FAM81A: variants seen among roughly 807,000 people sequenced by gnomAD.
The protein encoded by FAM81A is protein FAM81A.
A neutral mutation model predicts 46.7 loss-of-function variants in FAM81A; 19 were observed. The observed-to-expected ratio is 0.41, with a 90% CI of 0.28 to 0.60. The LOEUF is 0.60. Among genes scored for constraint, FAM81A ranks in the 20% least tolerant of loss-of-function variants. The pLI, the probability that FAM81A is intolerant of heterozygous loss-of-function variation, is 0.34. For synonymous variants in FAM81A, 183 were observed against 152.9 expected (o/e 1.20, Z -1.45); for missense variants, 377 against 453.5 (o/e 0.83, Z 1.53).
intron 7 of FAM81A, among the ~76,000 whole-genome samples, chr15:59,516,192 T>C (rs2082264806): frequency 6.6e-6 from 1 of 150,666 alleles, no homozygotes; most frequent in Non-Finnish European, 1.5e-5. Context: ...AATGGCGAGA[T>C]CTTGGCTCAC....
At chr15:59,501,310 G>C (rs547669812) in intron 4 of FAM81A, among the ~76,000 whole-genome samples, 1 of 152,142 alleles carries the variant, frequency 6.6e-6, no homozygotes, top group East Asian at 1.9e-4. Flanking sequence ...TATTTTATTA[G>C]GTTATCTTCC....
intron 2 of FAM81A, among the ~76,000 whole-genome samples, chr15:59,424,348 T>A (rs968375122): frequency 6.6e-6 from 1 of 152,208 alleles, no homozygotes; most frequent in East Asian, 1.9e-4. Flanking sequence ...CTTCCTTCTC[T>A]GGCCCAGGGC....
At position 59,461,267 on chromosome 15, in the gene FAM81A, G is replaced by A. The variant is rs117151432; in HGVS notation, c.294+1061G>A. Among the ~76,000 whole-genome samples the A allele has an allele frequency of 5.2e-3, 786 of 152,092 alleles. 6 individuals are homozygous for A. The highest frequency in any genetic ancestry group is 8.5e-3 in the Non-Finnish European group (580 of 67,986). On this transcript the variant is annotated intron_variant, in intron 3 of 8. Coordinates refer to ENST00000288228, the MANE Select transcript of FAM81A (RefSeq NM_152450.3). ...TATAAATGGAAACCTTACAATATGAGGTCTTTCGCATCTGGCTTCTTTCTT... is the reference window on the plus strand; with the variant it reads ...TATAAATGGAAACCTTACAATATGAAGTCTTTCGCATCTGGCTTCTTTCTT...
chr15:59,414,142 C>T (rs532075997), intron 2 of FAM81A, among the ~76,000 whole-genome samples: 31 of 152,188 alleles, frequency 2.0e-4, no homozygotes, highest in African/African-American at 6.7e-4. Flanking sequence ...TTAGTAGAGA[C>T]AGGGTTTCAC....
At chr15:59,417,376 A>G (rs1447621282) in intron 2 of FAM81A, among the ~76,000 whole-genome samples, 1 of 148,152 alleles carries the variant, frequency 6.7e-6, no homozygotes, top group African/African-American at 2.4e-5. Context: ...CAAAGTAGCT[A>G]TTTAAAAACA....
chr15:59,461,591 G>A (rs1170443839), intron 3 of FAM81A, among the ~76,000 whole-genome samples: 1 of 152,130 alleles, frequency 6.6e-6, no homozygotes, highest in Non-Finnish European at 1.5e-5. Flanking sequence ...AAAGTGCTGG[G>A]ATTACAGATG....
chr15:59,412,508 T>C (rs1775775602), intron 2 of FAM81A, among the ~76,000 whole-genome samples: 1 of 152,096 alleles, frequency 6.6e-6, no homozygotes, highest in Non-Finnish European at 1.5e-5. Flanking sequence ...GGTGGATCTC[T>C]TGAGCCCAGG....
intron 2 of FAM81A, among the ~76,000 whole-genome samples, 181 bp from the exon 3 acceptor site, chr15:59,459,752 A>G (rs2081528111): frequency 6.6e-6 from 1 of 152,180 alleles, no homozygotes; most frequent in Non-Finnish European, 1.5e-5. Flanking sequence ...TGTGGGCATG[A>G]TTATTTAAAG....
chr15:59,459,403 A>G (rs1364979486), intron 2 of FAM81A, among the ~76,000 whole-genome samples: 1 of 152,202 alleles, frequency 6.6e-6, no homozygotes, highest in East Asian at 1.9e-4. Context: ...CATCTGGAAA[A>G]AGGGACCTGA....
rs1414178039 is a variant in FAM81A at position 59,507,230 on chromosome 15, C to G, written c.431C>G (p.Ala144Gly). 6.2e-7 allele frequency: 1 copy of G among 1,611,104 alleles called. No individual in the cohort carries two copies. Among genetic ancestry groups the G allele is most frequent in the South Asian group, 1.1e-5 (1 of 90,340 alleles). The change falls in exon 5 of 9, where the codon GCT becomes GGT. Residue 144 changes from alanine (A) to glycine (G), a missense_variant. Physicochemically the swap from Ala to Gly is moderately conservative, Grantham distance 60 (BLOSUM62 0). Transcript: ENST00000288228. The part of the protein sequence containing the change: ...GRVARCDASI[A>G]RLSAEHKTTY... ...CTGGACAGATGTGATGCCAGCATAG[C>G]TAGACTTTCTGCAGAGCACAAAACG... is the stretch of plus-strand genomic sequence containing the variant.
chr15:59,473,926 C>G (rs370354895), intron 3 of FAM81A, among the ~76,000 whole-genome samples: 1 of 152,192 alleles, frequency 6.6e-6, no homozygotes, highest in African/African-American at 2.4e-5. Flanking sequence ...GTCCTCTCAC[C>G]TTGGCCTCCC....
At chr15:59,432,050 TTTTC>T (rs1366780798) in intron 2 of FAM81A, among the ~76,000 whole-genome samples, 3 of 152,248 alleles carry the variant, frequency 2.0e-5, no homozygotes, top group Non-Finnish European at 4.4e-5. Context: ...ACTTTGTTAT[TTTTC>T]TTTTTTCTTT....
chr15:59,497,205 TGGGAGGCTGAGGTGGG>T (rs2141776385), intron 4 of FAM81A, among the ~76,000 whole-genome samples: 1 of 151,534 alleles, frequency 6.6e-6, no homozygotes, highest in Admixed American at 6.6e-5. Flanking sequence ...CCCAGCACTT[TGGGAGGCTGAGGTGGG>T]CAGATCACGA....
chr15:59,400,885 T>C (rs1236269922), intron 1 of FAM81A, among the ~76,000 whole-genome samples: 1 of 152,226 alleles, frequency 6.6e-6, no homozygotes, highest in Non-Finnish European at 1.5e-5. Flanking sequence ...TTGATTAGTG[T>C]TTCTATTGAT....
chr15:59,445,213 C>T (rs546123626), intron 1 of FAM81A: 13 of 152,252 alleles, frequency 8.5e-5, no homozygotes, highest in South Asian at 4.2e-4. Flanking sequence ...CTTCAGAACG[C>T]GTTTGTGAAG....
chr15:59,429,407 T>C (rs1171695754), intron 2 of FAM81A, among the ~76,000 whole-genome samples: 1 of 152,190 alleles, frequency 6.6e-6, no homozygotes, highest in African/African-American at 2.4e-5. Context: ...GCACCCTTAT[T>C]GGTCATCCTG....
At chr15:59,468,319 CT>C (rs2081641213) in intron 3 of FAM81A, among the ~76,000 whole-genome samples, 1 of 152,136 alleles carries the variant, frequency 6.6e-6, no homozygotes, top group Non-Finnish European at 1.5e-5. Context: ...TAGAATTCGG[CT>C]GTGAATCCGT....
In FAM81A at chr15:59,514,328, A is replaced by C; in HGVS notation, c.690A>C (p.Leu230Phe). 1.9e-6 allele frequency: 3 copies of C among 1,613,216 alleles called. No homozygotes were observed. The South Asian group carries it at 3.3e-5, about 18-fold the overall frequency. ...TTGAGGAACTCAGTAACCAGATATT[A>C]TCTGCACGGAGTTGGTTGCAACAGG... ...GTVEELSNQI[L>F]SARSWLQQEQ... The change falls in exon 7 of 9, where the codon TTA becomes TTC. Residue 230 changes from leucine (L) to phenylalanine (F), a missense_variant. By Grantham distance (22) the Leu-to-Phe change is conservative. Coordinates refer to ENST00000288228, the MANE Select transcript of FAM81A (RefSeq NM_152450.3).
At chr15:59,507,168 T>A (rs749106864) in intron 4 of FAM81A, 45 bp from the exon 5 acceptor site, 5 of 1,577,672 alleles carry the variant, frequency 3.2e-6, no homozygotes, top group Non-Finnish European at 4.3e-6. Context: ...TTGCGCATTG[T>A]TTTTAAACTT....
Sources: allele counts gnomAD v4.1 joint callset (sites outside exome capture counted in the v4.1 genomes callset), GRCh38; gene constraint gnomAD v4.1.1; transcripts MANE v1.5; gene names NCBI Gene and HGNC (gene_info 2026-07-23, HGNC 2026-07-21).